Variants in ETFBKMT observed in about 807,000 individuals in gnomAD.
ETFBKMT encodes the protein electron transfer flavoprotein subunit beta lysine methyltransferase.
Under a neutral mutation model 18.3 loss-of-function variants are expected in ETFBKMT, and 13 were observed. The observed-to-expected ratio is 0.71, with a 90% CI of 0.46 to 1.13. The LOEUF (loss-of-function observed/expected upper bound fraction) is 1.13. Among genes scored for constraint, ETFBKMT ranks in the 50% most tolerant of loss-of-function variants. The pLI is 0.00. For missense variants in ETFBKMT, 293 were observed against 306.2 expected, an observed-to-expected ratio of 0.96 and a Z score of 0.32; for synonymous variants, 84 against 107.9, an observed-to-expected ratio of 0.78 and a Z score of 1.37.
upstream of ETFBKMT, among the ~76,000 whole-genome samples, chr12:31,658,926 CTTT>C (rs10716608): frequency 2.6e-4 from 36 of 137,248 alleles, no homozygotes; most frequent in East Asian, 4.3e-4. Context: ...TATACTGTGT[CTTT>C]TTTTTTTTTT....
Position 31,666,109 on chromosome 12 carries a change from G to A in ETFBKMT, c.337G>A (p.Val113Ile), listed in dbSNP as rs767576277. The A allele has an allele frequency of 6.8e-6, 11 of 1,613,336 alleles. No individual in the cohort carries two copies. Among genetic ancestry groups the A allele is most frequent in the South Asian group, 5.5e-5 (5 of 91,062 alleles). The change falls in exon 3 of 4, where the codon GTT becomes ATT. Residue 113 changes from valine (V) to isoleucine (I), a missense_variant. Transcript: ENST00000357721. Reference protein sequence around the residue: ...LSRYLLDNPDVVRGKSVLDLG... With the variant: ...LSRYLLDNPDIVRGKSVLDLG... ...TAGGTATCTTTTGGATAATCCTGAT[G>A]TTGTCAGAGGAAAATCTGTATTAGA...
chr12:31,666,972 AT>A (rs1951203989), intron 3 of ETFBKMT, among the ~76,000 whole-genome samples: 1 of 149,650 alleles, frequency 6.7e-6, no homozygotes, highest in South Asian at 2.1e-4. Context: ...CCTTTATTTT[AT>A]AAAGGAGTCT....
At chr12:31,652,963 C>T (rs1208564518) in intron 1 of ETFBKMT, among the ~76,000 whole-genome samples, 1 of 152,240 alleles carries the variant, frequency 6.6e-6, no homozygotes, top group Non-Finnish European at 1.5e-5. Flanking sequence ...AATCCCAGCA[C>T]TTTGGGAGGC....
At chr12:31,661,733 A>G in intron 1 of ETFBKMT, 108 bp from the exon 2 acceptor site, 1 of 488,596 alleles carries the variant, frequency 2.0e-6, no homozygotes, top group Non-Finnish European at 3.7e-6. Flanking sequence ...TGCAGGGATT[A>G]CAGGCGTGAG....
intron 2 of ETFBKMT, among the ~76,000 whole-genome samples, chr12:31,664,229 GT>G: frequency 6.6e-6 from 1 of 151,776 alleles, no homozygotes; most frequent in Non-Finnish European, 1.5e-5. Context: ...CTCTTCGCTT[GT>G]TTGGTAACTA....
chr12:31,652,611 C>A (rs1035524295), intron 1 of ETFBKMT, among the ~76,000 whole-genome samples: 1 of 152,068 alleles, frequency 6.6e-6, no homozygotes, highest in African/African-American at 2.4e-5. Flanking sequence ...CCATTTAATT[C>A]TTAGACTTAG....
chr12:31,648,121 G>GT (rs776359888), intron 1 of ETFBKMT, among the ~76,000 whole-genome samples: 7 of 152,146 alleles, frequency 4.6e-5, no homozygotes, highest in Admixed American at 1.3e-4. Context: ...CCACCTTAAT[G>GT]TTTATCACAG....
chr12:31,662,505 CTTTTTTTTT>C (rs35366747), intron 2 of ETFBKMT, among the ~76,000 whole-genome samples: 2 of 128,844 alleles, frequency 1.6e-5, no homozygotes, highest in Admixed American at 1.6e-4. Flanking sequence ...TTCTTTCTTT[CTTTTTTTTT>C]TTTTTTTTTG....
chr12:31,649,769 CTTTTT>C (rs61406039), intron 1 of ETFBKMT, among the ~76,000 whole-genome samples: 1 of 142,752 alleles, frequency 7.0e-6, no homozygotes, highest in Non-Finnish European at 1.5e-5. Context: ...TTTTCCTTTT[CTTTTT>C]TTTTTTTGAG....
upstream of ETFBKMT, chr12:31,659,203 G>A (rs1003349883): frequency 1.3e-5 from 2 of 152,270 alleles, no homozygotes; most frequent in Non-Finnish European, 2.9e-5. Flanking sequence ...AGGGGCCGCC[G>A]TCCGTCCCGC....
At chr12:31,657,156 G>A (rs558799347), upstream of ETFBKMT, among the ~76,000 whole-genome samples, 113 of 152,292 alleles carry the variant, frequency 7.4e-4, no homozygotes, top group Non-Finnish European at 1.3e-3. Context: ...GTTGTGTAGG[G>A]AATAGAATTT....
In ETFBKMT at chr12:31,662,241, C is replaced by T. The variant is rs765517157; in HGVS notation, c.288C>T (p.Tyr96=). 14 of 1,614,082 alleles carry T rather than the reference C, an allele frequency of 8.7e-6. No homozygotes were observed. Among genetic ancestry groups the T allele is most frequent in the Admixed American group, 1.7e-5 (1 of 60,006 alleles). Residue 96 remains tyrosine, a synonymous_variant, in exon 2 of 4, where the codon TAC becomes TAT. Transcript: ENST00000357721. ...ACAGTGATCCTTACTGGGCAATCTA[C>T]TGGCCAGGAGGCCAAGCCCTGTCTA... The part of the protein sequence containing the change: ...WPHSDPYWAI[Y]WPGGQALSRY...
intron 1 of ETFBKMT, among the ~76,000 whole-genome samples, chr12:31,648,655 G>C (rs371784068): frequency 1.4e-5 from 2 of 140,248 alleles, no homozygotes; most frequent in Non-Finnish European, 3.0e-5. Flanking sequence ...TCTGCCTCCC[G>C]GGTTCTAGCC....
upstream of ETFBKMT, among the ~76,000 whole-genome samples, chr12:31,657,588 T>C (rs1951072721): frequency 6.6e-6 from 1 of 151,974 alleles, no homozygotes; most frequent in Non-Finnish European, 1.5e-5. Flanking sequence ...GGTCAAAAGT[T>C]GGGCACCAGC....
chr12:31,672,830 G>T lies in ETFBKMT; in HGVS notation c.*4840G>T. On this transcript the variant is annotated 3_prime_UTR_variant, in exon 4 of 4. Coordinates refer to ENST00000357721, the MANE Select transcript of ETFBKMT (RefSeq NM_001135863.2). ...GCCAATAGGTACGGTAAACCACCTT[G>T]GGAAGCTGCAACACACCCAAAGGGT... 6.3e-6 allele frequency: 1 copy of T among 159,974 alleles called. No individual in the cohort carries two copies. Among genetic ancestry groups the T allele is most frequent in the Non-Finnish European group, 1.4e-5 (1 of 72,880 alleles). 9.9% of individuals were successfully genotyped at this position (159,974 alleles called of 1,614,324 possible). A position where few individuals can be genotyped will look rare whatever the true frequency, so the allele number is the denominator to read the frequency against.
rs1280784782 is a variant in ETFBKMT at position 31,671,059 on chromosome 12, A to C, written c.*3069A>C. The C allele has an allele frequency of 6.6e-6, 1 of 152,220 alleles. No homozygotes were observed. The highest frequency in any genetic ancestry group is 1.9e-4 in the East Asian group (1 of 5,202). The allele number at this position is 152,220 out of a possible 1,614,324, so 9.4% of individuals were successfully genotyped here. On this transcript the variant is annotated 3_prime_UTR_variant, in exon 4 of 4. Coordinates refer to ENST00000357721, the MANE Select transcript of ETFBKMT (RefSeq NM_001135863.2). ...TATCAAACTGCAAACTGTTTTAGGA[A>C]GATAAATCCTTCATAGACCCAAAGA... is the stretch of plus-strand genomic sequence containing the variant.
At position 31,667,660 on chromosome 12, in the gene ETFBKMT, T is replaced by TATTA; in HGVS notation, c.460_463dup (p.Thr155AsnfsTer6). 6.2e-7 allele frequency: 1 copy of TATTA among 1,605,100 alleles called. No individual in the cohort carries two copies. The highest frequency in any genetic ancestry group is 2.2e-5 in the East Asian group (1 of 44,800). Reference sequence around the variant, plus strand: ...TTTTTTTTTAAGTTGCAGGAATGGCTATTACACTAAATTGTGAATTGAACA... The same window carrying TATTA: ...TTTTTTTTTAAGTTGCAGGAATGGCTATTAATTACACTAAATTGTGAATTGAACA... On this transcript the variant is annotated frameshift_variant, in exon 4 of 4. Transcript: ENST00000357721. LOFTEE classifies it low-confidence loss of function (END_TRUNC).
rs200465923 is a variant in ETFBKMT at position 31,668,013 on chromosome 12, T to C, written c.*23T>C. 4.1e-5 allele frequency: 65 copies of C among 1,586,548 alleles called. No individual in the cohort carries two copies. The African/African-American group carries it at 8.8e-4, about 21-fold the overall frequency. On this transcript the variant is annotated 3_prime_UTR_variant, in exon 4 of 4. Coordinates refer to ENST00000357721, the MANE Select transcript of ETFBKMT (RefSeq NM_001135863.2). ...TGAGTTGTCAAAGTGCTTCCAAGTA[T>C]GAATATAGTAATGTTTGGATCTGAC...
intron 3 of ETFBKMT, 99 bp downstream of exon 3, chr12:31,666,316 AT>A: frequency 7.9e-7 from 1 of 1,269,158 alleles, no homozygotes; most frequent in Non-Finnish European, 1.1e-6. Flanking sequence ...CGTTATATGT[AT>A]TTTGTGATTG....
Sources: gnomAD v4.1 joint callset for allele counts (sites outside exome capture counted in the v4.1 genomes callset) on GRCh38, gnomAD v4.1.1 for gene constraint, MANE v1.5 for transcripts, NCBI Gene and HGNC (gene_info 2026-07-23, HGNC 2026-07-21) for gene names.